The following FSHR variants were observed in gnomAD, a reference collection of about 807,000 sequenced individuals.
FSHR encodes the protein follicle-stimulating hormone receptor.
In FSHR, 46 loss-of-function variants were observed where a neutral mutation model predicts 52.1. The observed-to-expected ratio is 0.88, with a 90% CI of 0.70 to 1.13. FSHR has a LOEUF of 1.13. Among genes scored for constraint, FSHR ranks in the 50% most tolerant of loss-of-function variants. FSHR has a pLI of 0.00. For synonymous variants in FSHR, 399 were observed against 309.6 expected, an observed-to-expected ratio of 1.29 and a Z score of -3.03; for missense variants, 964 against 834.6, an observed-to-expected ratio of 1.16 and a Z score of -1.91.
intron 2 of FSHR, among the ~76,000 whole-genome samples, chr2:49,052,557 A>T (rs1015208691): frequency 6.6e-6 from 1 of 152,236 alleles, no homozygotes; most frequent in African/African-American, 2.4e-5. Flanking sequence ...CATTATTTTT[A>T]AAGTTCTCCA....
chr2:49,134,758 C>T (rs537364000), intron 1 of FSHR, among the ~76,000 whole-genome samples: 2 of 152,304 alleles, frequency 1.3e-5, no homozygotes, highest in African/African-American at 4.8e-5. Context: ...CGTTCATGTC[C>T]TTTGTATGGA....
chr2:49,061,810 A>T (rs1344682408), intron 2 of FSHR, among the ~76,000 whole-genome samples: 1 of 141,030 alleles, frequency 7.1e-6, no homozygotes, highest in African/African-American at 2.6e-5. Context: ...AGTTATATAT[A>T]GTCATATATA....
chr2:48,978,971 C>T (rs560078628), intron 8 of FSHR, among the ~76,000 whole-genome samples: 57 of 152,292 alleles, frequency 3.7e-4, no homozygotes, highest in African/African-American at 1.3e-3. Context: ...GAGGAAGATT[C>T]ACCACATTTG....
chr2:49,047,130 T>G (rs933142110), intron 2 of FSHR, among the ~76,000 whole-genome samples: 1 of 152,160 alleles, frequency 6.6e-6, no homozygotes, highest in East Asian at 1.9e-4. Context: ...TGTAGGATTT[T>G]TTGTTGTTGT....
chr2:49,093,625 T>C (rs1670703375), intron 1 of FSHR, among the ~76,000 whole-genome samples: 2 of 150,012 alleles, frequency 1.3e-5, no homozygotes, highest in East Asian at 2.0e-4. Context: ...GACGGAGTCT[T>C]GCTCTGTCTC....
intron 2 of FSHR, among the ~76,000 whole-genome samples, chr2:49,020,725 G>T (rs1667662753): frequency 6.6e-6 from 1 of 152,190 alleles, no homozygotes; most frequent in African/African-American, 2.4e-5. Context: ...CACTGTCCTA[G>T]ATCGTGGAGT....
At chr2:49,013,346 T>C (rs1667346698) in intron 4 of FSHR, among the ~76,000 whole-genome samples, 1 of 150,838 alleles carries the variant, frequency 6.6e-6, no homozygotes, top group Admixed American at 6.6e-5. Context: ...AATTAGGTTT[T>C]GTTTCCCTGA....
chr2:49,105,288 T>G (rs1404710352), intron 1 of FSHR, among the ~76,000 whole-genome samples: 1 of 152,110 alleles, frequency 6.6e-6, no homozygotes, highest in Non-Finnish European at 1.5e-5. Flanking sequence ...GGAGTGCTGC[T>G]TGCATTGGTA....
chr2:48,995,017 GC>G (rs1335238149), intron 4 of FSHR, among the ~76,000 whole-genome samples: 1 of 152,122 alleles, frequency 6.6e-6, no homozygotes, highest in Admixed American at 6.6e-5. Context: ...TAATATGCTT[GC>G]CTTTCATAAA....
intron 4 of FSHR, chr2:48,997,206 A>G (rs1676061877): frequency 1.2e-5 from 12 of 984,132 alleles, no homozygotes; most frequent in Non-Finnish European, 1.4e-5. Flanking sequence ...TTCTCTCTGT[A>G]AAATGATTTT....
chr2:49,005,802 A>G (rs959328855), intron 4 of FSHR, among the ~76,000 whole-genome samples: 15 of 152,122 alleles, frequency 9.9e-5, no homozygotes, highest in African/African-American at 3.4e-4. Flanking sequence ...GATGGTTAAT[A>G]TTGAGTGCCA....
intron 1 of FSHR, 111 bp downstream of exon 1, chr2:49,154,155 A>G: frequency 8.3e-7 from 1 of 1,205,688 alleles, no homozygotes; most frequent in Non-Finnish European, 1.2e-6. Flanking sequence ...ACTTCGGTCA[A>G]GGGGCAGAAA....
chr2:48,987,780 A>G (rs565914940), intron 6 of FSHR, among the ~76,000 whole-genome samples: 1 of 149,060 alleles, frequency 6.7e-6, no homozygotes, highest in East Asian at 2.0e-4. Context: ...CTCGCGTTTT[A>G]GTTTATTCCT....
At chr2:49,106,886 A>C (rs1671243191) in intron 1 of FSHR, among the ~76,000 whole-genome samples, 1 of 152,166 alleles carries the variant, frequency 6.6e-6, no homozygotes, top group Non-Finnish European at 1.5e-5. Flanking sequence ...TGGGGTCTGG[A>C]GCAGCCTCTC....
In FSHR at chr2:49,071,328, T is replaced by C. The variant is rs189087587; in HGVS notation, c.153-3038A>G. Among the ~76,000 whole-genome samples, 9 of 152,036 alleles carry C rather than the reference T, an allele frequency of 5.9e-5. 1 individual carries two copies. The highest frequency in any genetic ancestry group is 2.2e-4 in the African/African-American group (9 of 41,492). On this transcript the variant is annotated intron_variant, in intron 1 of 9. Transcript: ENST00000406846. ...TTTTAAATGCAAGTGGAGGGAAAAA[T>C]ATAGACTATCTTCAAATAAAAAATA... is the stretch of plus-strand genomic sequence containing the variant.
At chr2:49,004,274 T>C (rs1223428336) in intron 4 of FSHR, among the ~76,000 whole-genome samples, 1 of 152,196 alleles carries the variant, frequency 6.6e-6, no homozygotes, top group African/African-American at 2.4e-5. Context: ...ATGACTGTCC[T>C]TTAGCTCTAG....
intron 2 of FSHR, among the ~76,000 whole-genome samples, chr2:49,032,534 C>G (rs1029189297): frequency 6.6e-6 from 1 of 152,220 alleles, no homozygotes; most frequent in Non-Finnish European, 1.5e-5. Context: ...ATTGTACTCT[C>G]TTTGGAGTAC....
intron 2 of FSHR, 70 bp downstream of exon 2, chr2:49,068,149 T>C: frequency 8.7e-7 from 1 of 1,148,558 alleles, no homozygotes; most frequent in Non-Finnish European, 1.3e-6. Context: ...ATAGTCATAC[T>C]AGATGTGGTC....
In FSHR at chr2:49,012,358, A is replaced by T. The variant is rs188435925; in HGVS notation, c.374+5131T>A. 2.3e-3 allele frequency among the ~76,000 whole-genome samples: 346 copies of T among 152,266 alleles called. 1 individual carries two copies. The highest frequency in any genetic ancestry group is 4.0e-3 in the Non-Finnish European group (271 of 68,012). ...TATTGACTTAAAAAAATCCACCCAG[A>T]TGAATCCTTTGATGCATATTCTTCA... On this transcript the variant is annotated intron_variant, in intron 4 of 9. Coordinates refer to ENST00000406846, the MANE Select transcript of FSHR (RefSeq NM_000145.4).
Sources: allele counts gnomAD v4.1 joint callset (sites outside exome capture counted in the v4.1 genomes callset), GRCh38; gene constraint gnomAD v4.1.1; transcripts MANE v1.5; gene names NCBI Gene and HGNC (gene_info 2026-07-23, HGNC 2026-07-21).